The following SYCP2 variants were observed in gnomAD, a reference collection of about 807,000 sequenced individuals.
SYCP2 encodes the protein synaptonemal complex lateral element protein.
In SYCP2, 55 loss-of-function variants were observed where a neutral mutation model predicts 211.3. The observed-to-expected ratio is 0.26, with a 90% CI of 0.21 to 0.33. The LOEUF is 0.33. SYCP2 is among the 10% of genes least tolerant of loss of function. SYCP2 has a pLI of 1.00. For synonymous variants in SYCP2, 570 were observed against 555.2 expected, an observed-to-expected ratio of 1.03 and a Z score of -0.37; for missense variants, 1,731 against 1,752.0, an observed-to-expected ratio of 0.99 and a Z score of 0.21.
chr20:59,920,221 G>A, intron 5 of SYCP2, 138 bp downstream of exon 5: 1 of 729,994 alleles, frequency 1.4e-6, no homozygotes, highest in Non-Finnish European at 2.2e-6. Context: ...TATATCACAA[G>A]TTATAGAAAT....
At chr20:59,926,487 T>C (rs2060636200) in intron 2 of SYCP2, among the ~76,000 whole-genome samples, 1 of 152,110 alleles carries the variant, frequency 6.6e-6, no homozygotes, top group Non-Finnish European at 1.5e-5. Context: ...CTTCTATGCA[T>C]ATCTGTATCC....
intron 25 of SYCP2, 63 bp from the exon 26 acceptor site, chr20:59,886,027 T>C: frequency 8.0e-7 from 1 of 1,251,074 alleles, no homozygotes; most frequent in Non-Finnish European, 1.1e-6. Context: ...TAAAAGTCAT[T>C]TTAAGATAAA....
chr20:59,879,611 ACT>A (rs919774855), intron 31 of SYCP2, among the ~76,000 whole-genome samples: 10 of 150,928 alleles, frequency 6.6e-5, no homozygotes, highest in South Asian at 2.1e-4. Context: ...TATACCTGAA[ACT>A]CTTACCAACT....
intron 31 of SYCP2, among the ~76,000 whole-genome samples, chr20:59,879,818 AATAAATATATAT>A (rs1403102669): frequency 0.06 from 7,525 of 125,364 alleles, 280 homozygotes; most frequent in Middle Eastern, 0.12. Context: ...AGTAAATATA[AATAAATATATAT>A]ATATATATAT....
intron 20 of SYCP2, among the ~76,000 whole-genome samples, chr20:59,894,506 T>C (rs2059970648): frequency 6.6e-6 from 1 of 152,050 alleles, no homozygotes; most frequent in South Asian, 2.1e-4. Context: ...ATTAAAAAAA[T>C]AGAATCCATC....
rs1344248606 is a variant in SYCP2, at chr20:59,915,623, CAT to C, written c.514-75_514-74del. The C allele has an allele frequency of 7.1e-6, 7 of 979,042 alleles. No homozygotes were observed. In the African/African-American group the frequency reaches 1.1e-4, roughly 16 times the overall value. The allele number at this position is 979,042 out of a possible 1,614,324, so 60.6% of individuals were successfully genotyped here. On this transcript the variant is annotated intron_variant, in intron 8 of 44. Coordinates refer to ENST00000357552, the MANE Select transcript of SYCP2 (RefSeq NM_014258.4). The stretch of plus-strand genomic sequence containing the variant: ...ACTATTAAGAGAAATATTCTAGGCA[CAT>C]AAACTTAGAAGCCTAATTTTTTCTT...
intron 20 of SYCP2, among the ~76,000 whole-genome samples, chr20:59,894,683 T>C (rs1361741384): frequency 2.0e-5 from 3 of 152,052 alleles, no homozygotes; most frequent in Non-Finnish European, 2.9e-5. Flanking sequence ...TAGCTTTACA[T>C]GTCCCTGAAC....
intron 35 of SYCP2, among the ~76,000 whole-genome samples, chr20:59,872,471 CTGTAG>C (rs1467332220): frequency 1.3e-5 from 2 of 151,844 alleles, no homozygotes; most frequent in African/African-American, 4.8e-5. Flanking sequence ...AGTAGTGATG[CTGTAG>C]TGTATTGTTA....
In SYCP2 at chr20:59,886,735, T is replaced by C; in HGVS notation, c.2464A>G (p.Arg822Gly). ...YKTKDDIKSTRKLKESLINSG... is the reference protein window; with the variant it reads ...YKTKDDIKSTGKLKESLINSG... Reference sequence around the variant, plus strand: ...TTAATCAAAGACTCCTTTAATTTTCTTGTAGACTTGATGTCATCTTTTGTT... The same window carrying C: ...TTAATCAAAGACTCCTTTAATTTTCCTGTAGACTTGATGTCATCTTTTGTT... The change falls in exon 25 of 45, where the codon AGA becomes GGA. Residue 822 changes from arginine (R) to glycine (G), a missense_variant. Coordinates refer to ENST00000357552, the MANE Select transcript of SYCP2 (RefSeq NM_014258.4). 6.3e-7 allele frequency: 1 copy of C among 1,576,476 alleles called. No individual in the cohort carries two copies. Among genetic ancestry groups the C allele is most frequent in the African/African-American group, 1.4e-5 (1 of 72,860 alleles).
chr20:59,868,902 T>C lies in SYCP2; in HGVS notation c.3765A>G (p.Leu1255=). Residue 1255 remains leucine (L), a synonymous_variant, in exon 37 of 45, where the codon TTA becomes TTG. Coordinates refer to ENST00000357552, the MANE Select transcript of SYCP2 (RefSeq NM_014258.4). ...TCTCTCTTCCTTCACTAGACTTGGA[T>C]AATGAAGATGCTAAATGACTTTCCT... ...KREESHLASS[L]SKSSEGREKT... 1.2e-6 allele frequency: 2 copies of C among 1,608,708 alleles called. No homozygotes were observed. The highest frequency in any genetic ancestry group is 1.7e-6 in the Non-Finnish European group (2 of 1,177,146).
chr20:59,900,001 G>A, intron 18 of SYCP2, 137 bp downstream of exon 18: 1 of 937,984 alleles, frequency 1.1e-6, no homozygotes, highest in Non-Finnish European at 1.6e-6. Context: ...ATTTGTCAAA[G>A]GTAGGAGAAA....
rs2059919033 is a variant in SYCP2, at chr20:59,892,097, T to G, written c.2257A>C (p.Thr753Pro). 1.9e-6 allele frequency: 3 copies of G among 1,612,084 alleles called. No individual in the cohort carries two copies. The highest frequency in any genetic ancestry group is 1.7e-6 in the Non-Finnish European group (2 of 1,178,982). The change falls in exon 24 of 45, where the codon ACT becomes CCT. Residue 753 changes from threonine to proline, a missense_variant. Physicochemically the swap from Thr to Pro is conservative, Grantham distance 38. This residue lies in a region of SYCP2 where 1,387 missense variants were observed against 1,351.3 expected (regional missense o/e 1.03). Transcript: ENST00000357552. ...YILSKDVNTA[T>P]CDKNPSASKN... ...CTAGCAGATGGATTTTTATCGCAAG[T>G]AGCAGTATTCACATCTTTTGACAAT... is the stretch of plus-strand genomic sequence containing the variant.
chr20:59,901,950 T>C, intron 15 of SYCP2, 140 bp from the exon 16 acceptor site: 2 of 611,874 alleles, frequency 3.3e-6, no homozygotes, highest in Non-Finnish European at 5.1e-6. Context: ...ATTAATCAAT[T>C]CTGGCACTAC....
chr20:59,864,324 T>C lies in SYCP2; in HGVS notation c.4580A>G (p.Asn1527Ser). The C allele has an allele frequency of 1.9e-6, 3 of 1,603,910 alleles. No homozygotes were observed. Among genetic ancestry groups the C allele is most frequent in the South Asian group, 1.1e-5 (1 of 89,974 alleles). The change falls in exon 45 of 45, where the codon AAT (asparagine) becomes AGT (serine). Residue 1527 changes from asparagine (N) to serine (S), a missense_variant. Physicochemically the swap from Asn to Ser is conservative, Grantham distance 46 (BLOSUM62 1). Coordinates refer to ENST00000357552, the MANE Select transcript of SYCP2 (RefSeq NM_014258.4). ...LMSVFMSHER[N>S]ANV The stretch of plus-strand genomic sequence containing the variant: ...AAAAACTAGATTTCACACATTAGCA[T>C]TTCTTTCATGAGACATGAATACTGA...
At chr20:59,929,688 A>G (rs796071956) in intron 2 of SYCP2, among the ~76,000 whole-genome samples, 93 of 152,298 alleles carry the variant, frequency 6.1e-4, no homozygotes, top group African/African-American at 2.2e-3. Context: ...ATAAAGGCTT[A>G]TATGCACTGT....
At chr20:59,875,798 G>A (rs1397982058) in intron 33 of SYCP2, among the ~76,000 whole-genome samples, 1 of 152,114 alleles carries the variant, frequency 6.6e-6, no homozygotes, top group Non-Finnish European at 1.5e-5. Context: ...GTTTGTGAAA[G>A]AAGGTAGAAA....
chr20:59,889,902 AAAC>A (rs778148768), intron 24 of SYCP2, among the ~76,000 whole-genome samples: 30 of 151,400 alleles, frequency 2.0e-4, no homozygotes, highest in Non-Finnish European at 3.8e-4. Flanking sequence ...AAAAGTAAGG[AAAC>A]AACAAATGCT....
chr20:59,883,435 AAAGT>A (rs1296102443), intron 26 of SYCP2, among the ~76,000 whole-genome samples: 7 of 152,250 alleles, frequency 4.6e-5, no homozygotes, highest in South Asian at 2.1e-4. Flanking sequence ...ACATGGAAAC[AAAGT>A]AAGTATTCAC....
At chr20:59,870,597 C>T (rs767728209) in intron 35 of SYCP2, among the ~76,000 whole-genome samples, 1 of 151,660 alleles carries the variant, frequency 6.6e-6, no homozygotes, top group African/African-American at 2.4e-5. Context: ...GAAAGATCAA[C>T]ATCAATATTG....
Sources: allele counts gnomAD v4.1 joint callset (sites outside exome capture counted in the v4.1 genomes callset), GRCh38; gene constraint gnomAD v4.1.1; regional missense constraint gnomAD v4.1.1; transcripts MANE v1.5; gene names NCBI Gene and HGNC (gene_info 2026-07-23, HGNC 2026-07-21).